The following PCDHGA8 variants were observed in gnomAD, a reference collection of about 807,000 sequenced individuals.
PCDHGA8 encodes protocadherin gamma subfamily A, 8.
Under a neutral mutation model 59.2 loss-of-function variants are expected in PCDHGA8, and 45 were observed. The ratio of observed to expected loss-of-function variants is 0.76; its 90% confidence interval spans 0.60 to 0.98. PCDHGA8 has a LOEUF of 0.98. Among genes scored for constraint, PCDHGA8 ranks in the 50% least tolerant of loss-of-function variants. PCDHGA8 has a pLI of 0.00. For missense variants in PCDHGA8, 1,257 were observed against 1,196.2 expected, an observed-to-expected ratio of 1.05 and a Z score of -0.75; for synonymous variants, 531 against 519.0, an observed-to-expected ratio of 1.02 and a Z score of -0.32.
chr5:141,399,097 G>GT (rs1217179640), intron 1 of PCDHGA8: 2 of 1,613,816 alleles, frequency 1.2e-6, no homozygotes, highest in Admixed American at 3.3e-5. Flanking sequence ...TGGTGGACTG[G>GT]TTGCACAATG....
intron 1 of PCDHGA8, among the ~76,000 whole-genome samples, chr5:141,460,684 T>C (rs1417815686): frequency 6.6e-6 from 1 of 152,074 alleles, no homozygotes; most frequent in Non-Finnish European, 1.5e-5. Context: ...TATCTATATA[T>C]CCACCAACAG....
Position 141,489,316 on chromosome 5 carries a change from T to C in PCDHGA8, c.2425-5491T>C, listed in dbSNP as rs2099685399. On this transcript the variant is annotated intron_variant, in intron 1 of 3. Transcript: ENST00000398604. This position sits in a 1 kb window ranked among gnomAD's most constrained non-coding sequence, Gnocchi z 4.5. The stretch of plus-strand genomic sequence containing the variant: ...CATGTTGTCCTTGTGCTGCTGGGGC[T>C]GGGTGTCTGGGCAGCTTCGTTACTC... The C allele has an allele frequency of 1.3e-6, 2 of 1,597,946 alleles. No individual in the cohort carries two copies. Among genetic ancestry groups the C allele is most frequent in the Admixed American group, 1.7e-5 (1 of 58,864 alleles).
chr5:141,434,254 T>C (rs1440934691), intron 1 of PCDHGA8, among the ~76,000 whole-genome samples: 3 of 152,176 alleles, frequency 2.0e-5, no homozygotes, highest in Admixed American at 6.5e-5. Context: ...TTGGGCATTG[T>C]GGGGGAGGTG....
At chr5:141,499,212 G>A (rs904920940) in intron 2 of PCDHGA8, among the ~76,000 whole-genome samples, 1 of 151,898 alleles carries the variant, frequency 6.6e-6, no homozygotes, top group African/African-American at 2.4e-5. Context: ...TGTAACCCAG[G>A]CCCTGCCCTG....
rs2093886414 is a variant in PCDHGA8 at position 141,399,784 on chromosome 5, G to C, written c.2424+4547G>C. On this transcript the variant is annotated intron_variant, in intron 1 of 3. Transcript: ENST00000398604. ...GCGCGTGTTGGTGGGCGACCGAAAC[G>C]ACAACGCACCGCGGGTGCTGTACCC... The C allele has an allele frequency of 2.5e-6, 4 of 1,613,288 alleles. No homozygotes were observed. The East Asian group carries it at 6.7e-5, about 27-fold the overall frequency.
intron 1 of PCDHGA8, chr5:141,408,083 C>G (rs1045548793): frequency 3.5e-6 from 5 of 1,414,460 alleles, no homozygotes; most frequent in Non-Finnish European, 4.7e-6. Context: ...CCCAGCACAG[C>G]GGATTGCCAG....
chr5:141,455,158 T>TG (rs1279537888), intron 1 of PCDHGA8, among the ~76,000 whole-genome samples: 46 of 145,032 alleles, frequency 3.2e-4, no homozygotes, highest in African/African-American at 1.0e-3. Flanking sequence ...ATTAGTTTGT[T>TG]GGTTTTTTTT....
At chr5:141,411,955 A>G (rs1427605209) in intron 1 of PCDHGA8, 2 of 152,244 alleles carry the variant, frequency 1.3e-5, no homozygotes, top group Admixed American at 6.5e-5. Context: ...TTTGAAGAAA[A>G]AAGATAAAAT....
intron 1 of PCDHGA8, chr5:141,404,341 A>C (rs2094516146): frequency 3.1e-6 from 5 of 1,613,966 alleles, no homozygotes; most frequent in Non-Finnish European, 4.2e-6. Context: ...ACCTCCCGGA[A>C]AACAACGCCA....
rs1229623400 is a variant in PCDHGA8, at chr5:141,505,984, T to A, written c.2572+503T>A. 4.6e-5 allele frequency among the ~76,000 whole-genome samples: 7 copies of A among 152,198 alleles called. No homozygotes were observed. In the East Asian group the frequency reaches 1.4e-3, roughly 30 times the overall value. On this transcript the variant is annotated intron_variant, in intron 3 of 3. Coordinates refer to ENST00000398604, the MANE Select transcript of PCDHGA8 (RefSeq NM_032088.2). ...AGAAATCCCCAGCCGAGAGAACACC[T>A]CCTCTTTATGCGAGGCTCCTCTTTT...
chr5:141,487,386 G>C lies in PCDHGA8; in HGVS notation c.2425-7421G>C. On this transcript the variant is annotated intron_variant, in intron 1 of 3. Coordinates refer to ENST00000398604, the MANE Select transcript of PCDHGA8 (RefSeq NM_032088.2). The surrounding 1 kb of genome is among the most constrained non-coding windows in gnomAD (Gnocchi z 5.0). Reference sequence around the variant, plus strand: ...ACCTGTGCCTGTCTCACCAGATCTCGAAGGAGGGAGGGGCTTCCCCCTTCC... The same window carrying C: ...ACCTGTGCCTGTCTCACCAGATCTCCAAGGAGGGAGGGGCTTCCCCCTTCC... The C allele has an allele frequency of 1.2e-6, 2 of 1,614,164 alleles. No homozygotes were observed. Among genetic ancestry groups the C allele is most frequent in the South Asian group, 1.1e-5 (1 of 91,084 alleles).
intron 1 of PCDHGA8, among the ~76,000 whole-genome samples, chr5:141,425,058 G>A (rs938128250): frequency 1.3e-5 from 2 of 151,986 alleles, no homozygotes; most frequent in African/African-American, 2.4e-5. Context: ...TCTAGGGCTC[G>A]GACAAAAATA....
At chr5:141,418,876 C>A (rs917800201) in intron 1 of PCDHGA8, 1 of 1,613,844 alleles carries the variant, frequency 6.2e-7, no homozygotes. Context: ...AAGTTGTAGA[C>A]GAAAACGACA....
chr5:141,450,903 C>T (rs1468232105), intron 1 of PCDHGA8, among the ~76,000 whole-genome samples: 3 of 151,086 alleles, frequency 2.0e-5, no homozygotes, highest in African/African-American at 7.3e-5. Context: ...CGGCTCACTG[C>T]AACCGCTGCC....
At chr5:141,468,652 G>A (rs1206892693) in intron 1 of PCDHGA8, 2 of 149,062 alleles carry the variant, frequency 1.3e-5, no homozygotes, top group African/African-American at 2.5e-5. Context: ...GGATCACAAG[G>A]TCAGGAGATC....
chr5:141,461,921 T>G (rs2099026403), intron 1 of PCDHGA8, among the ~76,000 whole-genome samples: 1 of 152,222 alleles, frequency 6.6e-6, no homozygotes, highest in Non-Finnish European at 1.5e-5. Flanking sequence ...CCTCCTGGGT[T>G]CCAGCAATTC....
In PCDHGA8 at chr5:141,511,599, C is replaced by G; in HGVS notation, c.*426C>G. 4.0e-6 allele frequency: 1 copy of G among 252,540 alleles called. No homozygotes were observed. Among genetic ancestry groups the G allele is most frequent in the South Asian group, 5.2e-5 (1 of 19,398 alleles). 15.6% of individuals were successfully genotyped at this position (252,540 alleles called of 1,614,324 possible). ...GTTGGGGTGTTGAAGTACCAAGTAA[C>G]CTACAAGCCTCCTAGTTCTGAAAAG... On this transcript the variant is annotated 3_prime_UTR_variant, in exon 4 of 4. Coordinates refer to ENST00000398604, the MANE Select transcript of PCDHGA8 (RefSeq NM_032088.2).
At position 141,404,471 on chromosome 5, in the gene PCDHGA8, A is replaced by G. The variant is rs200620626; in HGVS notation, c.2424+9234A>G. ...GTCTCCTCTCTCCACCTATGTCTCT[A>G]TTAACTCAGACACTGGTGTGCTGTA... On this transcript the variant is annotated intron_variant, in intron 1 of 3. Coordinates refer to ENST00000398604, the MANE Select transcript of PCDHGA8 (RefSeq NM_032088.2). 307 of 1,613,160 alleles carry G rather than the reference A, an allele frequency of 1.9e-4. No homozygotes were observed. Among genetic ancestry groups the G allele is most frequent in the Non-Finnish European group, 2.5e-4 (293 of 1,179,322 alleles).
intron 1 of PCDHGA8, among the ~76,000 whole-genome samples, chr5:141,449,081 C>T (rs2098627623): frequency 6.6e-6 from 1 of 152,180 alleles, no homozygotes; most frequent in South Asian, 2.1e-4. Flanking sequence ...CCTGTACCTA[C>T]ATCAGTTTTT....
Sources: allele counts gnomAD v4.1 joint callset (sites outside exome capture counted in the v4.1 genomes callset), GRCh38; gene constraint gnomAD v4.1.1; non-coding constraint Gnocchi (gnomAD v3.1); transcripts MANE v1.5; gene names NCBI Gene and HGNC (gene_info 2026-07-23, HGNC 2026-07-21).